The following KEAP1 variants were observed in gnomAD, a reference collection of about 807,000 sequenced individuals.
KEAP1 encodes kelch-like ECH-associated protein 1.
KEAP1 carries 26 observed loss-of-function variants against 59.7 expected under a neutral mutation model. The ratio of observed to expected loss-of-function variants is 0.44; its 90% confidence interval spans 0.32 to 0.60. KEAP1 has a LOEUF of 0.60. Among genes scored for constraint, KEAP1 ranks in the 20% least tolerant of loss-of-function variants. KEAP1 has a pLI of 0.06. For synonymous variants in KEAP1, 350 were observed against 358.3 expected (o/e 0.98, Z 0.26); for missense variants, 539 against 871.4 (o/e 0.62, Z 4.80).
chr19:10,498,239 G>T (rs1244118132), intron 2 of KEAP1, among the ~76,000 whole-genome samples: 1 of 131,372 alleles, frequency 7.6e-6, no homozygotes, highest in African/African-American at 2.9e-5. Context: ...TTGCTCTGTC[G>T]CCCAGGCTGG....
chr19:10,495,400 A>G (rs1489846886), intron 2 of KEAP1, among the ~76,000 whole-genome samples: 1 of 152,158 alleles, frequency 6.6e-6, no homozygotes, highest in Non-Finnish European at 1.5e-5. Context: ...TGTGGAAAAA[A>G]ACAAGTGACA....
chr19:10,498,309 C>T (rs183150715), intron 2 of KEAP1, among the ~76,000 whole-genome samples: 56 of 151,518 alleles, frequency 3.7e-4, no homozygotes, highest in African/African-American at 8.7e-4. Context: ...AAGCGATTCT[C>T]CTGTCTCAGC....
intron 3 of KEAP1, chr19:10,490,836 T>C (rs1010353148): frequency 1.3e-5 from 2 of 152,188 alleles, no homozygotes; most frequent in Admixed American, 6.6e-5. Context: ...AAACCCCTAG[T>C]GGCTCAGCCA....
intron 4 of KEAP1, 106 bp downstream of exon 4, chr19:10,489,542 C>T: frequency 7.3e-7 from 1 of 1,362,078 alleles, no homozygotes; most frequent in East Asian, 2.4e-5. Flanking sequence ...GTGGTTACCC[C>T]AGCATGAGGG....
chr19:10,486,376 C>G lies in KEAP1; in HGVS notation c.*276G>C, dbSNP rs1914462222. On this transcript the variant is annotated 3_prime_UTR_variant, in exon 6 of 6. Coordinates refer to ENST00000171111, the MANE Select transcript of KEAP1 (RefSeq NM_203500.2). ...AGTGGGACCCAGGCCTATTACCCGGCCAGAGGGTTTGGGGGCCTCTCTCCT... is the reference window on the plus strand; with the variant it reads ...AGTGGGACCCAGGCCTATTACCCGGGCAGAGGGTTTGGGGGCCTCTCTCCT... 2 of 381,384 alleles carry G rather than the reference C, an allele frequency of 5.2e-6. No individual in the cohort carries two copies. The highest frequency in any genetic ancestry group is 4.2e-5 in the African/African-American group (2 of 47,992). 23.6% of individuals were successfully genotyped at this position (381,384 alleles called of 1,614,324 possible).
At chr19:10,492,484 C>T (rs1392443967) in intron 2 of KEAP1, 40 of 529,852 alleles carry the variant, frequency 7.5e-5, no homozygotes, top group Admixed American at 3.0e-4. Context: ...TTTGGGAGGC[C>T]GAGGCTGGCG....
At chr19:10,492,454 C>A (rs1599484920) in intron 2 of KEAP1, 192 bp from the exon 3 acceptor site, 1 of 583,164 alleles carries the variant, frequency 1.7e-6, no homozygotes, top group Admixed American at 3.1e-5. Flanking sequence ...CGCGGTGGCT[C>A]ACGCCTGTAA....
rs1017996717 is a variant in KEAP1 at position 10,499,888 on chromosome 19, T to G, written c.146A>C (p.Asn49Thr). The change falls in exon 2 of 6, where the codon AAC becomes ACC. Residue 49 changes from asparagine to threonine, a missense_variant. Physicochemically the swap from Asn to Thr is moderately conservative, Grantham distance 65 (BLOSUM62 0). This residue lies in a region of KEAP1 where 166 missense variants were observed against 295.8 expected (regional missense o/e 0.56). Transcript: ENST00000171111. The surrounding 1 kb of genome is among the most constrained non-coding windows in gnomAD (Gnocchi z 6.7). Reference sequence around the variant, plus strand: ...CTCCAGGGTGTAGCTGAAGGTGCGGTTGCCATGCTGGGAGGGCGTCACCTC... The same window carrying G: ...CTCCAGGGTGTAGCTGAAGGTGCGGGTGCCATGCTGGGAGGGCGTCACCTC... ...KAEVTPSQHG[N>T]RTFSYTLEDH... 8 of 1,613,322 alleles carry G rather than the reference T, an allele frequency of 5.0e-6. No homozygotes were observed. The African/African-American group carries it at 1.1e-4, about 22-fold the overall frequency.
intron 2 of KEAP1, among the ~76,000 whole-genome samples, chr19:10,498,454 G>A (rs1481796990): frequency 2.0e-5 from 3 of 151,736 alleles, no homozygotes; most frequent in Admixed American, 2.0e-4. Flanking sequence ...TGAGCCACCC[G>A]CCTCAGCCTC....
chr19:10,489,304 G>C lies in KEAP1; in HGVS notation c.1596C>G (p.Asn532Lys), dbSNP rs1002946773. The C allele has an allele frequency of 6.2e-7, 1 of 1,614,026 alleles. No homozygotes were observed. The highest frequency in any genetic ancestry group is 1.3e-5 in the African/African-American group (1 of 75,022). Reference protein sequence around the residue: ...AGGYDGQDQLNSVERYDVETE... With the variant: ...AGGYDGQDQLKSVERYDVETE... Reference sequence around the variant, plus strand: ...TTTCCACATCGTAGCGCTCCACGCTGTTCAGCTGGTCCTGACCATCATAGC... The same window carrying C: ...TTTCCACATCGTAGCGCTCCACGCTCTTCAGCTGGTCCTGACCATCATAGC... The change falls in exon 5 of 6, where the codon AAC becomes AAG. Residue 532 changes from asparagine to lysine, a missense_variant. Asn to Lys is a moderately conservative substitution (Grantham distance 94). Coordinates refer to ENST00000171111, the MANE Select transcript of KEAP1 (RefSeq NM_203500.2).
intron 2 of KEAP1, among the ~76,000 whole-genome samples, chr19:10,494,482 C>G (rs1914783874): frequency 6.6e-6 from 1 of 150,994 alleles, no homozygotes; most frequent in South Asian, 2.1e-4. Context: ...AGGCGCCCAC[C>G]ACCACACCCG....
chr19:10,499,935 G>T lies in KEAP1; in HGVS notation c.99C>A (p.Tyr33Ter), dbSNP rs575186517. The T allele has an allele frequency of 1.2e-6, 2 of 1,610,868 alleles. No individual in the cohort carries two copies. The highest frequency in any genetic ancestry group is 1.1e-5 in the South Asian group (1 of 90,978). The change falls in exon 2 of 6, where the codon TAC becomes TAA. Residue 33 changes from tyrosine (Y) to a stop codon, truncating the protein, a stop_gained. Transcript: ENST00000171111. LOFTEE classifies it high-confidence loss of function. The surrounding 1 kb of genome is among the most constrained non-coding windows in gnomAD (Gnocchi z 6.7). ...CCTCCGCCTTGCACTCAGTGGAGGC[G>T]TACATCACCGCGTCCCCTGCCCCCT... ...CPEGAGDAVM[Y>*]ASTECKAEVT...
intron 2 of KEAP1, among the ~76,000 whole-genome samples, chr19:10,495,345 C>A (rs1568399968): frequency 6.6e-6 from 1 of 151,856 alleles, no homozygotes; most frequent in Non-Finnish European, 1.5e-5. Flanking sequence ...TCTAAAATGG[C>A]AAATAGACTA....
rs1046938760 is a variant in KEAP1, at chr19:10,502,720, C to T, written c.-48+521G>A. Reference sequence around the variant, plus strand: ...ACCCCGCCATGGCCGCGCTCCGGCTCCGCCTCCACCGCCCGAGCCCCGGCG... The same window carrying T: ...ACCCCGCCATGGCCGCGCTCCGGCTTCGCCTCCACCGCCCGAGCCCCGGCG... On this transcript the variant is annotated intron_variant, in intron 1 of 5. Transcript: ENST00000171111. This position sits in a 1 kb window ranked among gnomAD's most constrained non-coding sequence, Gnocchi z 4.0. 1.3e-5 allele frequency: 2 copies of T among 152,218 alleles called. No homozygotes were observed. The highest frequency in any genetic ancestry group is 2.1e-4 in the South Asian group (1 of 4,832). The allele number at this position is 152,218 out of a possible 1,614,324, so 9.4% of individuals were successfully genotyped here. A position where few individuals can be genotyped will look rare whatever the true frequency, so the allele number is the denominator to read the frequency against.
chr19:10,489,094 TAAAAAAAAA>T (rs33966407), intron 5 of KEAP1, 89 bp downstream of exon 5: 79 of 425,408 alleles, frequency 1.9e-4, no homozygotes, highest in Non-Finnish European at 2.6e-4. Context: ...ACCTTGTTTC[TAAAAAAAAA>T]AAAAAAAAAA....
rs2144576562 is a variant in KEAP1 at position 10,486,583 on chromosome 19, C to G, written c.*69G>C. ...TTGCAGTGCTGTCTTTTCTTTTAGT[C>G]CCGGTTTTTGTACAAAAACAATGAT... is the stretch of plus-strand genomic sequence containing the variant. On this transcript the variant is annotated 3_prime_UTR_variant, in exon 6 of 6. Coordinates refer to ENST00000171111, the MANE Select transcript of KEAP1 (RefSeq NM_203500.2). 1 of 1,476,498 alleles carries G rather than the reference C, an allele frequency of 6.8e-7. No individual in the cohort carries two copies. Among genetic ancestry groups the G allele is most frequent in the Non-Finnish European group, 9.3e-7 (1 of 1,075,326 alleles). The allele number at this position is 1,476,498 out of a possible 1,614,324, so 91.5% of individuals were successfully genotyped here.
chr19:10,496,516 A>C (rs535977897), intron 2 of KEAP1, among the ~76,000 whole-genome samples: 158 of 146,244 alleles, frequency 1.1e-3, no homozygotes, highest in African/African-American at 3.9e-3. Context: ...AAAAAAAAAA[A>C]GGGGGCTTGG....
rs1274623491 is a variant in KEAP1 at position 10,492,055 on chromosome 19, T to G, written c.847A>C (p.Met283Leu). Reference protein sequence around the residue: ...CHSLTPNFLQMQLQKCEILQS... With the variant: ...CHSLTPNFLQLQLQKCEILQS... ...AGGATCTCGCACTTCTGCAGCTGCA[T>G]CTGCAGGAAGTTCGGCGTCAACGAG... Residue 283 changes from methionine to leucine, a missense_variant, in exon 3 of 6, where the codon ATG becomes CTG. Met to Leu is a conservative substitution (Grantham distance 15). Around this residue, in one of 4 missense-constraint regions of KEAP1, gnomAD observed 61 missense variants for 129.9 expected, o/e 0.47. Coordinates refer to ENST00000171111, the MANE Select transcript of KEAP1 (RefSeq NM_203500.2). The G allele has an allele frequency of 2.5e-6, 4 of 1,613,888 alleles. No homozygotes were observed. Among genetic ancestry groups the G allele is most frequent in the Non-Finnish European group, 3.4e-6 (4 of 1,180,030 alleles).
Position 10,491,150 on chromosome 19 carries a change from C to T in KEAP1, c.1325+427G>A, listed in dbSNP as rs530415663. The T allele has an allele frequency of 6.8e-5, 11 of 161,438 alleles. No homozygotes were observed. The highest frequency in any genetic ancestry group is 1.1e-4 in the Non-Finnish European group (8 of 74,596). 10.0% of individuals were successfully genotyped at this position (161,438 alleles called of 1,614,324 possible). On this transcript the variant is annotated intron_variant, in intron 3 of 5. Coordinates refer to ENST00000171111, the MANE Select transcript of KEAP1 (RefSeq NM_203500.2). This position sits in a 1 kb window ranked among gnomAD's most constrained non-coding sequence, Gnocchi z 5.2. ...AGGAGAATCACTTGAACCTGGGAGGCGAGGTTGCAGTGACCCAAGATGCAC... is the reference window on the plus strand; with the variant it reads ...AGGAGAATCACTTGAACCTGGGAGGTGAGGTTGCAGTGACCCAAGATGCAC...
Sources: gnomAD v4.1 joint callset for allele counts (sites outside exome capture counted in the v4.1 genomes callset) on GRCh38, gnomAD v4.1.1 for gene constraint, gnomAD v4.1.1 regional missense constraint, Gnocchi (gnomAD v3.1) non-coding constraint, MANE v1.5 for transcripts, NCBI Gene and HGNC (gene_info 2026-07-23, HGNC 2026-07-21) for gene names.